Variants in TRERF1 observed in about 807,000 individuals in gnomAD.
TRERF1 encodes transcriptional-regulating factor 1.
A neutral mutation model predicts 122.9 loss-of-function variants in TRERF1; 27 were observed. That is an observed-to-expected ratio of 0.22 (90% confidence interval 0.16 to 0.30). The LOEUF (loss-of-function observed/expected upper bound fraction) is 0.30. Among genes scored for constraint, TRERF1 ranks in the 10% least tolerant of loss-of-function variants. The pLI, the probability that TRERF1 is intolerant of heterozygous loss-of-function variation, is 1.00. For synonymous variants in TRERF1, 636 were observed against 641.7 expected (o/e 0.99, Z 0.13); for missense variants, 1,248 against 1,560.3 (o/e 0.80, Z 3.37).
In TRERF1 at chr6:42,294,226, G is replaced by T. The variant is rs191282402; in HGVS notation, c.-259+6412C>A. ...AGACGGAGTCTCGCTCTGTCTCCTG[G>T]GCTGGAGTGCAGTGGTGCAATCTCA... On this transcript the variant is annotated intron_variant, in intron 4 of 17. Coordinates refer to ENST00000372922, the Ensembl canonical transcript of TRERF1. Among the ~76,000 whole-genome samples, 286 of 145,194 alleles carry T rather than the reference G, an allele frequency of 2.0e-3. 1 individual carries two copies. Among genetic ancestry groups the T allele is most frequent in the African/African-American group, 7.1e-3 (275 of 38,840 alleles).
rs1374490368 is a variant in TRERF1, at chr6:42,243,379, T to C, written c.2746-18A>G. ...GACTTCACCTGCCGGGAAAGCGAAC[T>C]CAAGGTTAGCTCCAGCAATGGGCAG... On this transcript the variant is annotated intron_variant, in intron 14 of 17. Coordinates refer to ENST00000372922, the Ensembl canonical transcript of TRERF1. 1.9e-6 allele frequency: 3 copies of C among 1,580,772 alleles called. No homozygotes were observed. The highest frequency in any genetic ancestry group is 2.2e-5 in the South Asian group (2 of 90,272).
intron 2 of TRERF1, among the ~76,000 whole-genome samples, chr6:42,379,657 A>G (rs1184111645): frequency 1.3e-5 from 2 of 152,086 alleles, no homozygotes; most frequent in Non-Finnish European, 2.9e-5. Context: ...CAGCCTCCCA[A>G]GCAGCTGGGA....
At chr6:42,267,768 C>T (rs545337635) in intron 5 of TRERF1, among the ~76,000 whole-genome samples, 3 of 152,332 alleles carry the variant, frequency 2.0e-5, no homozygotes, top group Non-Finnish European at 4.4e-5. Context: ...GCTGTCATAA[C>T]GTGGTCTCCC....
chr6:42,354,022 A>ATGGG (rs1770017398), intron 3 of TRERF1, among the ~76,000 whole-genome samples: 1 of 152,204 alleles, frequency 6.6e-6, no homozygotes, highest in Non-Finnish European at 1.5e-5. Context: ...AGTAGCTAGA[A>ATGGG]TATATGTACC....
chr6:42,342,117 G>A (rs1448704935), intron 3 of TRERF1, among the ~76,000 whole-genome samples: 1 of 152,256 alleles, frequency 6.6e-6, no homozygotes, highest in Non-Finnish European at 1.5e-5. Context: ...CCTGAGGGCA[G>A]AGGCCCATGC....
chr6:42,309,942 T>G (rs927298512), intron 3 of TRERF1, among the ~76,000 whole-genome samples: 8 of 151,524 alleles, frequency 5.3e-5, no homozygotes, highest in African/African-American at 1.9e-4. Flanking sequence ...GGGGTCTCCT[T>G]TAGCAGAGAC....
intron 2 of TRERF1, among the ~76,000 whole-genome samples, chr6:42,373,328 T>A (rs1029244092): frequency 2.7e-5 from 4 of 149,148 alleles, no homozygotes; most frequent in African/African-American, 1.0e-4. Context: ...AGGTGGGGAG[T>A]TCAAGACCAG....
intron 3 of TRERF1, among the ~76,000 whole-genome samples, chr6:42,337,480 G>GAGC (rs1209535244): frequency 6.6e-6 from 1 of 152,172 alleles, no homozygotes; most frequent in African/African-American, 2.4e-5. Context: ...GCCTGCAGAT[G>GAGC]AGCAGGTGTG....
chr6:42,335,621 T>G (rs1476810085), intron 3 of TRERF1, among the ~76,000 whole-genome samples: 1 of 152,202 alleles, frequency 6.6e-6, no homozygotes, highest in African/African-American at 2.4e-5. Context: ...ATTGACTGAA[T>G]GCCACTGATG....
chr6:42,279,322 T>C (rs778293066), intron 4 of TRERF1, among the ~76,000 whole-genome samples: 1 of 152,116 alleles, frequency 6.6e-6, no homozygotes, highest in Non-Finnish European at 1.5e-5. Context: ...GCGTGGGGCC[T>C]TCTGAATCAG....
chr6:42,341,419 C>A (rs1417718924), intron 3 of TRERF1, among the ~76,000 whole-genome samples: 1 of 152,214 alleles, frequency 6.6e-6, no homozygotes, highest in Non-Finnish European at 1.5e-5. Context: ...AGTACAGGCA[C>A]TGGGTGGTCT....
At position 42,268,687 on chromosome 6, in the gene TRERF1, G is replaced by C; in HGVS notation, c.904C>G (p.Pro302Ala). 2 of 1,614,172 alleles carry C rather than the reference G, an allele frequency of 1.2e-6. No individual in the cohort carries two copies. Among genetic ancestry groups the C allele is most frequent in the Non-Finnish European group, 1.7e-6 (2 of 1,180,030 alleles). ...TGCGGCTGCTGCTGCTGTGGCGGCG[G>C]CTGTGGCTGTGATGGGCGAATTTGT... The change falls in exon 5 of 18, where the codon CCG (proline) becomes GCG (alanine). Residue 302 changes from proline to alanine, a missense_variant. Around this residue, in one of 5 missense-constraint regions of TRERF1, gnomAD observed 946 missense variants for 1,073.0 expected, o/e 0.88. Transcript: ENST00000372922. This position sits in a 1 kb window ranked among gnomAD's most constrained non-coding sequence, Gnocchi z 4.4.
At chr6:42,256,626 G>T in intron 12 of TRERF1, 102 bp downstream of exon 12, 1 of 971,132 alleles carries the variant, frequency 1.0e-6, no homozygotes, top group Non-Finnish European at 1.6e-6. Flanking sequence ...ATCATGCGCC[G>T]ATTGGTCATT....
intron 4 of TRERF1, among the ~76,000 whole-genome samples, chr6:42,282,638 T>C (rs1782493795): frequency 6.6e-6 from 1 of 152,166 alleles, no homozygotes; most frequent in South Asian, 2.1e-4. Flanking sequence ...TGGAAAGACG[T>C]CCAAGGTTAA....
Position 42,403,596 on chromosome 6 carries a change from G to A in TRERF1, c.-453-40517C>T, listed in dbSNP as rs182874723. 1.8e-3 allele frequency among the ~76,000 whole-genome samples: 269 copies of A among 152,284 alleles called. 1 individual carries two copies. The highest frequency in any genetic ancestry group is 6.2e-3 in the African/African-American group (258 of 41,546). ...TGATTTCAAATTTCCAGAACTGCAA[G>A]AGCAGACATTTCTGTTGCTTTGAGT... is the stretch of plus-strand genomic sequence containing the variant. On this transcript the variant is annotated intron_variant, in intron 2 of 17. Coordinates refer to ENST00000372922, the Ensembl canonical transcript of TRERF1.
intron 13 of TRERF1, among the ~76,000 whole-genome samples, chr6:42,246,903 T>C (rs1056530278): frequency 2.0e-5 from 3 of 152,206 alleles, no homozygotes; most frequent in Non-Finnish European, 4.4e-5. Context: ...CAACAAATTT[T>C]AGGTACAGTT....
At chr6:42,264,981 A>C in intron 6 of TRERF1, 127 bp from the exon 7 acceptor site, 2 of 1,039,912 alleles carry the variant, frequency 1.9e-6, no homozygotes, top group Non-Finnish European at 2.8e-6. Flanking sequence ...TGTCCATGGC[A>C]CCACTTGTAT....
At chr6:42,353,449 G>A (rs946050704) in intron 3 of TRERF1, among the ~76,000 whole-genome samples, 5 of 151,974 alleles carry the variant, frequency 3.3e-5, no homozygotes, top group Admixed American at 1.3e-4. Context: ...TCAGCTAGGC[G>A]TGGTGGCGGG....
At chr6:42,374,137 TAAA>T (rs373255205) in intron 2 of TRERF1, among the ~76,000 whole-genome samples, 5 of 127,396 alleles carry the variant, frequency 3.9e-5, no homozygotes, top group South Asian at 2.4e-4. Flanking sequence ...GTCTTTTTTT[TAAA>T]AAAAAAAAAA....
Sources: allele counts gnomAD v4.1 joint callset (sites outside exome capture counted in the v4.1 genomes callset), GRCh38; gene constraint gnomAD v4.1.1; regional missense constraint gnomAD v4.1.1; non-coding constraint Gnocchi (gnomAD v3.1); transcripts MANE v1.5; gene names NCBI Gene and HGNC (gene_info 2026-07-23, HGNC 2026-07-21).